SULT1C2: variants seen among roughly 807,000 people sequenced by gnomAD.
SULT1C2 encodes the protein sulfotransferase 1C2.
SULT1C2 carries 27 observed loss-of-function variants against 36.0 expected under a neutral mutation model. The ratio of observed to expected loss-of-function variants is 0.75; its 90% CI spans 0.55 to 1.03. The LOEUF is 1.03. Among genes scored for constraint, SULT1C2 ranks in the 50% least tolerant of loss-of-function variants. The pLI, the probability that SULT1C2 is intolerant of heterozygous loss-of-function variation, is 0.00. For synonymous variants in SULT1C2, 121 were observed against 116.0 expected (o/e 1.04, Z -0.27); for missense variants, 395 against 359.2 (o/e 1.10, Z -0.80).
chr2:108,293,655 AC>A lies in SULT1C2; in HGVS notation c.-10del, dbSNP rs539626535. 4.4e-6 allele frequency: 7 copies of A among 1,599,190 alleles called. No homozygotes were observed. The East Asian group carries it at 1.6e-4, about 36-fold the overall frequency. ...CTATTCTTTTCCCATAGGGACCCCA[AC>A]CCTGAGACACTATGGCCCTGACCTC... On this transcript the variant is annotated 5_prime_UTR_variant, in exon 2 of 8. Coordinates refer to ENST00000251481, the MANE Select transcript of SULT1C2 (RefSeq NM_001056.4).
chr2:108,298,198 C>T (rs1270973133), intron 3 of SULT1C2, among the ~76,000 whole-genome samples: 1 of 152,204 alleles, frequency 6.6e-6, no homozygotes, highest in Non-Finnish European at 1.5e-5. Context: ...TAGCTTTCAT[C>T]TCCGTTTCTC....
chr2:108,289,138 T>A (rs891849034), intron 1 of SULT1C2, 68 bp downstream of exon 1: 1 of 152,654 alleles, frequency 6.6e-6, no homozygotes, highest in African/African-American at 2.4e-5. Context: ...TTTAGCCACA[T>A]AGGTGTGGCT....
chr2:108,306,941 AT>A (rs200344470), intron 7 of SULT1C2, among the ~76,000 whole-genome samples: 5,645 of 152,166 alleles, frequency 0.037, 112 homozygotes, highest in Middle Eastern at 0.082. Context: ...ATAAAATTAT[AT>A]TTTTTAAAAG....
intron 4 of SULT1C2, 85 bp downstream of exon 4, chr2:108,301,020 G>T: frequency 6.5e-7 from 1 of 1,545,464 alleles, no homozygotes. Context: ...GAGCATTCGT[G>T]ATCACCTTTG....
At chr2:108,303,479 G>A (rs1676941823) in intron 4 of SULT1C2, 1 of 152,278 alleles carries the variant, frequency 6.6e-6, no homozygotes, top group Non-Finnish European at 1.5e-5. Flanking sequence ...TCAGCCACAG[G>A]GGCTTGGCCT....
rs764375609 is a variant in SULT1C2, at chr2:108,304,715, T to C, written c.502+15T>C. On this transcript the variant is annotated intron_variant, in intron 5 of 7. Transcript: ENST00000251481. The stretch of plus-strand genomic sequence containing the variant: ...CAATGGAAAAGGTACGGGAACATCC[T>C]TCACACCCTTGCATTCTCACTCCAG... 12 of 1,602,432 alleles carry C rather than the reference T, an allele frequency of 7.5e-6. No individual in the cohort carries two copies. In the Admixed American group the frequency reaches 8.6e-5, roughly 12 times the overall value.
chr2:108,290,469 G>A lies in SULT1C2; in HGVS notation c.-22+1399G>A, dbSNP rs185914167. ...CACAATTCAAACCACGATAATGTCC[G>A]TCTTAGTCCATTTTATGTTGCTATA... On this transcript the variant is annotated intron_variant, in intron 1 of 7. Coordinates refer to ENST00000251481, the MANE Select transcript of SULT1C2 (RefSeq NM_001056.4). Among the ~76,000 whole-genome samples the A allele has an allele frequency of 1.6e-3, 238 of 152,270 alleles. 1 individual carries two copies. The highest frequency in any genetic ancestry group is 2.6e-3 in the Non-Finnish European group (178 of 68,028).
At position 108,300,842 on chromosome 2, in the gene SULT1C2, G is replaced by A; in HGVS notation, c.282G>A (p.Val94=). 6.2e-7 allele frequency: 1 copy of A among 1,614,124 alleles called. No homozygotes were observed. The highest frequency in any genetic ancestry group is 1.1e-5 in the South Asian group (1 of 91,070). ...EWARPPQPSG[V]EKAKAMPSPR... is the part of the protein sequence containing the mutation. ...TCCTCTTGAGCTATTTTAAAGGTGT[G>A]GAAAAAGCCAAAGCAATGCCCTCTC... The change falls in exon 4 of 8, where the codon GTG becomes GTA. Residue 94 remains valine, a synonymous_variant. Coordinates refer to ENST00000251481, the MANE Select transcript of SULT1C2 (RefSeq NM_001056.4).
Position 108,304,616 on chromosome 2 carries a change from TA to T in SULT1C2, c.419del (p.Tyr140SerfsTer7). 1 of 1,613,778 alleles carries T rather than the reference TA, an allele frequency of 6.2e-7. No homozygotes were observed. Among genetic ancestry groups the T allele is most frequent in the Non-Finnish European group, 8.5e-7 (1 of 1,179,884 alleles). ...AAATGCCAAAGACTGTATGGTTTCC[TA>T]CTACCATTTCCAAAGGATGAACCAC... ...ARNAKDCMVSYYHFQRMNHML... is the reference protein window; with the variant it reads ...ARNAKDCMVSXYHFQRMNHML... On this transcript the variant is annotated frameshift_variant, in exon 5 of 8. Transcript: ENST00000251481. LOFTEE classifies it high-confidence loss of function.
chr2:108,303,521 G>A (rs924563090), intron 4 of SULT1C2: 2 of 152,260 alleles, frequency 1.3e-5, no homozygotes, highest in African/African-American at 4.8e-5. Context: ...GGGGTGTCAG[G>A]GCAGGTGAAT....
intron 3 of SULT1C2, among the ~76,000 whole-genome samples, chr2:108,296,234 T>C (rs543728693): frequency 6.6e-6 from 1 of 152,310 alleles, no homozygotes; most frequent in African/African-American, 2.4e-5. Flanking sequence ...GAGCAGAGTG[T>C]TCAATCACTA....
chr2:108,300,690 A>T, intron 3 of SULT1C2, 148 bp from the exon 4 acceptor site: 1 of 1,313,142 alleles, frequency 7.6e-7, no homozygotes, highest in Non-Finnish European at 1.0e-6. Context: ...AAATTATATT[A>T]ATAATCCCAT....
chr2:108,295,071 C>G (rs1489485697), intron 3 of SULT1C2, among the ~76,000 whole-genome samples: 2 of 152,174 alleles, frequency 1.3e-5, no homozygotes, highest in Non-Finnish European at 2.9e-5. Flanking sequence ...GTTAATGCAG[C>G]TCTAGCATGA....
chr2:108,296,996 G>C (rs1473010761), intron 3 of SULT1C2, among the ~76,000 whole-genome samples: 1 of 152,166 alleles, frequency 6.6e-6, no homozygotes, highest in Non-Finnish European at 1.5e-5. Flanking sequence ...TGTGACAAAA[G>C]GGATTACATC....
intron 1 of SULT1C2, among the ~76,000 whole-genome samples, chr2:108,290,680 C>G (rs1412198741): frequency 6.6e-6 from 1 of 152,138 alleles, no homozygotes; most frequent in South Asian, 2.1e-4. Flanking sequence ...ACCAAACTCA[C>G]CCACTTCTGG....
At chr2:108,290,758 G>A (rs1676571667) in intron 1 of SULT1C2, among the ~76,000 whole-genome samples, 1 of 152,156 alleles carries the variant, frequency 6.6e-6, no homozygotes, top group Admixed American at 6.5e-5. Context: ...AAGACCCCGT[G>A]TCCTAGCACT....
At chr2:108,294,545 A>T (rs1381891803) in intron 3 of SULT1C2, among the ~76,000 whole-genome samples, 191 bp downstream of exon 3, 6 of 128,248 alleles carry the variant, frequency 4.7e-5, no homozygotes, top group African/African-American at 1.7e-4. Context: ...CTGTCTACAT[A>T]TTATTTAAGA....
intron 4 of SULT1C2, chr2:108,303,029 T>A (rs1472950608): frequency 6.6e-6 from 1 of 152,108 alleles, no homozygotes; most frequent in African/African-American, 2.4e-5. Context: ...GCATAAAAAA[T>A]TTAGAAACTA....
At chr2:108,306,939 A>G (rs1416882440) in intron 7 of SULT1C2, among the ~76,000 whole-genome samples, 1 of 151,656 alleles carries the variant, frequency 6.6e-6, no homozygotes, top group Non-Finnish European at 1.5e-5. Context: ...GTATAAAATT[A>G]TATTTTTTAA....
Sources: gnomAD v4.1 joint callset for allele counts (sites outside exome capture counted in the v4.1 genomes callset) on GRCh38, gnomAD v4.1.1 for gene constraint, MANE v1.5 for transcripts, NCBI Gene and HGNC (gene_info 2026-07-23, HGNC 2026-07-21) for gene names.